The following TMEM74 variants were observed in gnomAD, a reference collection of about 807,000 sequenced individuals.
TMEM74 encodes the protein transmembrane protein 74.
A neutral mutation model predicts 18.1 loss-of-function variants in TMEM74; 13 were observed. The observed-to-expected ratio is 0.72, with a 90% confidence interval of 0.47 to 1.14. TMEM74 has a LOEUF of 1.14. Among genes scored for constraint, TMEM74 ranks in the 50% most tolerant of loss-of-function variants. The pLI, the probability that TMEM74 is intolerant of heterozygous loss-of-function variation, is 0.00. For synonymous variants in TMEM74, 159 were observed against 146.6 expected (o/e 1.08, Z -0.61); for missense variants, 372 against 375.9 (o/e 0.99, Z 0.09).
chr8:108,760,219 A>G (rs1358385957), intron 1 of TMEM74, among the ~76,000 whole-genome samples: 1 of 151,858 alleles, frequency 6.6e-6, no homozygotes, highest in Admixed American at 6.6e-5. Flanking sequence ...CCACTATGAC[A>G]TTCAGAGCAC....
intron 1 of TMEM74, among the ~76,000 whole-genome samples, chr8:108,727,303 G>C (rs2130636059): frequency 6.6e-6 from 1 of 152,270 alleles, no homozygotes; most frequent in South Asian, 2.1e-4. Flanking sequence ...TGCAAAGACA[G>C]AAAACAGGAA....
At chr8:108,652,746 A>T in intron 2 of TMEM74, 1 of 522,196 alleles carries the variant, frequency 1.9e-6, no homozygotes. Flanking sequence ...TTTGGAAGAC[A>T]AACACTCAGG....
chr8:108,680,501 C>T lies in TMEM74; in HGVS notation n.120-25064G>A, dbSNP rs1440378096. On this transcript the variant is annotated intron_variant and non_coding_transcript_variant, in intron 1 of 3. Coordinates refer to the TMEM74 transcript ENST00000518838. ...CTAAAAACTCTCAACAAATTAGGTA[C>T]TGATGGGATGTATCTCAAAATAATA... Among the ~76,000 whole-genome samples, 5 of 152,108 alleles carry T rather than the reference C, an allele frequency of 3.3e-5. No individual in the cohort carries two copies. The East Asian group carries it at 9.6e-4, about 29-fold the overall frequency.
chr8:108,703,122 G>A (rs1813353262), intron 1 of TMEM74, among the ~76,000 whole-genome samples: 1 of 152,062 alleles, frequency 6.6e-6, no homozygotes, highest in Admixed American at 6.5e-5. Flanking sequence ...TGGAATACGT[G>A]ATCTCTAAAG....
chr8:108,669,438 G>T (rs1418781223), intron 1 of TMEM74, among the ~76,000 whole-genome samples: 1 of 151,964 alleles, frequency 6.6e-6, no homozygotes, highest in African/African-American at 2.4e-5. Context: ...CTTCTATTCT[G>T]GGCTGAAATG....
intron 1 of TMEM74, among the ~76,000 whole-genome samples, chr8:108,702,724 G>A (rs1813349572): frequency 6.6e-6 from 1 of 151,390 alleles, no homozygotes; most frequent in African/African-American, 2.4e-5. Flanking sequence ...TTAACATTAG[G>A]TATATCTCTT....
intron 1 of TMEM74, among the ~76,000 whole-genome samples, chr8:108,707,167 A>T (rs1324251060): frequency 2.5e-5 from 3 of 117,878 alleles, no homozygotes; most frequent in Admixed American, 2.1e-4. Flanking sequence ...GGGGAACATC[A>T]CACACCGGGG....
chr8:108,763,571 G>T (rs1016500430), intron 1 of TMEM74, among the ~76,000 whole-genome samples: 2 of 152,080 alleles, frequency 1.3e-5, no homozygotes, highest in Non-Finnish European at 2.9e-5. Flanking sequence ...ATACCACCAA[G>T]AAGTATTAAT....
intron 1 of TMEM74, among the ~76,000 whole-genome samples, chr8:108,756,720 G>GGAA (rs1563543855): frequency 2.4e-3 from 187 of 78,260 alleles, no homozygotes; most frequent in Middle Eastern, 9.8e-3. Flanking sequence ...AAGAAAGAAA[G>GGAA]AGAAAGAAAG....
At chr8:108,756,166 A>G (rs1470409502) in intron 1 of TMEM74, among the ~76,000 whole-genome samples, 1 of 152,048 alleles carries the variant, frequency 6.6e-6, no homozygotes, top group African/African-American at 2.4e-5. Flanking sequence ...ATCCACCTCA[A>G]AGTAAATGAA....
At chr8:108,720,376 G>C (rs1218072186) in intron 1 of TMEM74, among the ~76,000 whole-genome samples, 1 of 152,134 alleles carries the variant, frequency 6.6e-6, no homozygotes, top group Non-Finnish European at 1.5e-5. Flanking sequence ...TGTGGGAAAT[G>C]GTTAAATAAT....
intron 1 of TMEM74, among the ~76,000 whole-genome samples, chr8:108,665,481 A>G (rs1048184359): frequency 1.3e-5 from 2 of 152,152 alleles, no homozygotes; most frequent in Non-Finnish European, 2.9e-5. Context: ...TAAAAAATGC[A>G]AGGAAGGTTT....
chr8:108,698,921 C>T (rs1439212675), intron 1 of TMEM74, among the ~76,000 whole-genome samples: 1 of 152,070 alleles, frequency 6.6e-6, no homozygotes, highest in Non-Finnish European at 1.5e-5. Flanking sequence ...CTTGGCTTGG[C>T]TTTGGTGTCT....
intron 1 of TMEM74, among the ~76,000 whole-genome samples, chr8:108,690,078 T>C (rs1174949312): frequency 6.6e-6 from 1 of 152,050 alleles, no homozygotes. Context: ...TATACACACG[T>C]ATATATACAC....
At chr8:108,609,212 G>T (rs1177986827) in intron 2 of TMEM74, among the ~76,000 whole-genome samples, 1 of 152,216 alleles carries the variant, frequency 6.6e-6, no homozygotes, top group Non-Finnish European at 1.5e-5. Flanking sequence ...AATGAGGTAA[G>T]ATGTATTGGT....
At position 108,697,449 on chromosome 8, in the gene TMEM74, G is replaced by A. The variant is rs910908260; in HGVS notation, n.120-42012C>T. On this transcript the variant is annotated intron_variant and non_coding_transcript_variant, in intron 1 of 3. Coordinates refer to the TMEM74 transcript ENST00000518838. ...TTTATGTTTTTGGAGACAGGGTCTC[G>A]CTCTGTCATCCAGGCTGAGGGCAGT... 2.0e-5 allele frequency among the ~76,000 whole-genome samples: 3 copies of A among 152,022 alleles called. No homozygotes were observed. In the East Asian group the frequency reaches 5.8e-4, roughly 29 times the overall value.
chr8:108,631,705 G>C (rs1271247613), intron 2 of TMEM74, among the ~76,000 whole-genome samples: 3 of 152,010 alleles, frequency 2.0e-5, no homozygotes, highest in African/African-American at 7.2e-5. Context: ...TTGCTGTACA[G>C]AGGCTCTTAG....
At position 108,779,393 on chromosome 8, in the gene TMEM74, C is replaced by A. The variant is rs746866908; in HGVS notation, c.*4788G>T. Reference sequence around the variant, plus strand: ...CAGTGAAAAAATAGGGAGAGCTGTTCCTGAAACACAGGAGAGTTACCCAAA... The same window carrying A: ...CAGTGAAAAAATAGGGAGAGCTGTTACTGAAACACAGGAGAGTTACCCAAA... On this transcript the variant is annotated 3_prime_UTR_variant, in exon 2 of 2. Transcript: ENST00000297459. Among the ~76,000 whole-genome samples the A allele has an allele frequency of 6.6e-5, 10 of 152,064 alleles. No homozygotes were observed. The highest frequency in any genetic ancestry group is 1.3e-4 in the Non-Finnish European group (9 of 68,002).
intron 1 of TMEM74, among the ~76,000 whole-genome samples, chr8:108,704,159 GAGTT>G (rs1813366237): frequency 6.6e-6 from 1 of 152,200 alleles, no homozygotes; most frequent in Non-Finnish European, 1.5e-5. Context: ...GAAGAGAAGA[GAGTT>G]AGTAATAACA....
Sources: allele counts gnomAD v4.1 joint callset (sites outside exome capture counted in the v4.1 genomes callset), GRCh38; gene constraint gnomAD v4.1.1; transcripts MANE v1.5; gene names NCBI Gene and HGNC (gene_info 2026-07-23, HGNC 2026-07-21).